HIP1: variants seen among roughly 807,000 people sequenced by gnomAD.
HIP1 encodes huntingtin-interacting protein 1.
A neutral mutation model predicts 147.6 loss-of-function variants in HIP1; 65 were observed. The observed-to-expected ratio is 0.44, with a 90% CI of 0.36 to 0.54. HIP1 has a LOEUF of 0.54. HIP1 is among the 20% of genes least tolerant of loss of function. The pLI is 0.00. For missense variants in HIP1, 1,061 were observed against 1,299.6 expected (o/e 0.82, Z 2.82); for synonymous variants, 479 against 504.0 (o/e 0.95, Z 0.67).
chr7:75,579,114 G>A (rs368234230), intron 7 of HIP1, among the ~76,000 whole-genome samples: 4 of 151,980 alleles, frequency 2.6e-5, no homozygotes, highest in East Asian at 3.9e-4. Context: ...CACTGCGCCC[G>A]GCCCCAATGC....
intron 29 of HIP1, among the ~76,000 whole-genome samples, chr7:75,541,402 C>T (rs1385554466): frequency 2.0e-5 from 3 of 151,528 alleles, no homozygotes; most frequent in East Asian, 1.9e-4. Flanking sequence ...TGGTGGTGGG[C>T]GCCTGTAGTT....
intron 1 of HIP1, among the ~76,000 whole-genome samples, chr7:75,607,064 T>C (rs1797249601): frequency 6.6e-6 from 1 of 151,074 alleles, no homozygotes; most frequent in African/African-American, 2.4e-5. Context: ...ACCCCATCTC[T>C]AAAAAAAAAT....
chr7:75,634,279 A>G (rs1175163775), intron 1 of HIP1, among the ~76,000 whole-genome samples: 4 of 151,736 alleles, frequency 2.6e-5, no homozygotes, highest in African/African-American at 9.7e-5. Context: ...AAACCAACAA[A>G]AACAGATAGA....
chr7:75,670,888 C>T (rs1799712631), intron 1 of HIP1, among the ~76,000 whole-genome samples: 1 of 151,300 alleles, frequency 6.6e-6, no homozygotes, highest in African/African-American at 2.4e-5. Flanking sequence ...TCCCAAAGTG[C>T]TGAGATTACA....
At chr7:75,603,141 G>A (rs1237871054) in intron 1 of HIP1, among the ~76,000 whole-genome samples, 1 of 151,952 alleles carries the variant, frequency 6.6e-6, no homozygotes, top group Non-Finnish European at 1.5e-5. Context: ...GAGGTCAGGA[G>A]TTCAAGACCA....
At chr7:75,638,664 T>TC (rs35058258) in intron 1 of HIP1, among the ~76,000 whole-genome samples, 73,908 of 152,022 alleles carry the variant, frequency 0.49, 18,696 homozygotes, top group African/African-American at 0.63. Context: ...CCACACATCT[T>TC]CCATCGATCT....
intron 1 of HIP1, among the ~76,000 whole-genome samples, chr7:75,663,999 TATATGTGTATATATATACAC>T (rs1563278242): frequency 4.7e-4 from 11 of 23,592 alleles, no homozygotes; most frequent in African/African-American, 4.1e-3. Context: ...TATATACACA[TATATGTGTATATATATACAC>T]ATATATGTGT....
intron 7 of HIP1, among the ~76,000 whole-genome samples, chr7:75,580,918 T>G (rs587702222): frequency 8.5e-5 from 13 of 152,252 alleles, no homozygotes; most frequent in African/African-American, 3.1e-4. Flanking sequence ...ATTTTTATAT[T>G]TTTAGTAGAG....
intron 8 of HIP1, among the ~76,000 whole-genome samples, chr7:75,570,456 T>G (rs2116876075): frequency 6.7e-6 from 1 of 150,298 alleles, no homozygotes; most frequent in East Asian, 2.1e-4. Flanking sequence ...CACGCCCGGC[T>G]AATTTTTTGT....
rs139967574 is a variant in HIP1, at chr7:75,708,318, T to G, written c.120+30483A>C. On this transcript the variant is annotated intron_variant, in intron 1 of 30. Coordinates refer to ENST00000336926, the MANE Select transcript of HIP1 (RefSeq NM_005338.7). ...TGTAGGTTGCCTTTTTTAATGTTGA[T>G]AGTGTCTATTGATGCCCCAAAAGTG... Among the ~76,000 whole-genome samples, 401 of 152,284 alleles carry G rather than the reference T, an allele frequency of 2.6e-3. 2 individuals are homozygous for G. The highest frequency in any genetic ancestry group is 4.7e-3 in the Non-Finnish European group (323 of 68,022).
Position 75,553,463 on chromosome 7 carries a change from G to A in HIP1, c.2285C>T (p.Ala762Val), listed in dbSNP as rs1794866222. The change falls in exon 22 of 31, where the codon GCC becomes GTC. Residue 762 changes from alanine (A) to valine (V), a missense_variant. Ala to Val is a moderately conservative substitution (Grantham distance 64). Transcript: ENST00000336926. Reference sequence around the variant, plus strand: ...TACTACTCCAAGTACCTCGCCGATGGCCTTGATCTTGCTCAGGCAGTTCCT... The same window carrying A: ...TACTACTCCAAGTACCTCGCCGATGACCTTGATCTTGCTCAGGCAGTTCCT... ...AMRNCLSKIK[A>V]IGEELLPRGL... is the part of the protein sequence containing the mutation. The A allele has an allele frequency of 6.2e-7, 1 of 1,614,004 alleles. No homozygotes were observed. The highest frequency in any genetic ancestry group is 1.3e-5 in the African/African-American group (1 of 75,050).
At chr7:75,627,255 C>G (rs1409631965) in intron 1 of HIP1, among the ~76,000 whole-genome samples, 1 of 152,192 alleles carries the variant, frequency 6.6e-6, no homozygotes, top group Non-Finnish European at 1.5e-5. Flanking sequence ...CTCTATAAAC[C>G]TTTTCCAAAT....
chr7:75,669,359 C>T (rs147752798), intron 1 of HIP1, among the ~76,000 whole-genome samples: 130 of 151,812 alleles, frequency 8.6e-4, no homozygotes, highest in African/African-American at 2.9e-3. Flanking sequence ...GGCGACAGAG[C>T]GAGACTCCAT....
chr7:75,709,109 C>CTTTTTT (rs55720152), intron 1 of HIP1, among the ~76,000 whole-genome samples: 1 of 131,426 alleles, frequency 7.6e-6, no homozygotes, highest in Non-Finnish European at 1.6e-5. Context: ...TTTTTCTTTT[C>CTTTTTT]TTTTTTTTTT....
chr7:75,663,984 GTATATATATACACATATA>G lies in HIP1; in HGVS notation c.121-64755_121-64738del, dbSNP rs1799411540. On this transcript the variant is annotated intron_variant, in intron 1 of 30. Coordinates refer to ENST00000336926, the MANE Select transcript of HIP1 (RefSeq NM_005338.7). The stretch of plus-strand genomic sequence containing the variant: ...TGTATATATATATACACATATATGT[GTATATATATACACATATA>G]TGTGTATATATATACACATATATGT... Among the ~76,000 whole-genome samples, 4 of 7,784 alleles carry G rather than the reference GTATATATATACACATATA, an allele frequency of 5.1e-4. 1 individual carries two copies. Among genetic ancestry groups the G allele is most frequent in the East Asian group, 0.01 (1 of 98 alleles). The allele number at this position is 7,784 out of a possible 152,430, so 5.1% of individuals were successfully genotyped here. A position where few individuals can be genotyped will look rare whatever the true frequency, so the allele number is the denominator to read the frequency against.
intron 1 of HIP1, among the ~76,000 whole-genome samples, chr7:75,673,960 C>T (rs1584940810): frequency 6.6e-6 from 1 of 151,826 alleles, no homozygotes; most frequent in East Asian, 1.9e-4. Flanking sequence ...CACTCCAGCC[C>T]AGATGACAGA....
At chr7:75,732,971 C>T (rs1209599336) in intron 1 of HIP1, among the ~76,000 whole-genome samples, 10 of 152,192 alleles carry the variant, frequency 6.6e-5, no homozygotes, top group Admixed American at 6.5e-4. Context: ...ACGAGCCCCC[C>T]AGAGCCGGTC....
At chr7:75,681,597 C>T (rs1584946812) in intron 1 of HIP1, among the ~76,000 whole-genome samples, 1 of 149,832 alleles carries the variant, frequency 6.7e-6, no homozygotes, top group Non-Finnish European at 1.5e-5. Flanking sequence ...GCCTCGACAT[C>T]CCAGGCTCAA....
rs587706106 is a variant in HIP1 at position 75,565,584 on chromosome 7, T to G, written c.804-2321A>C. 3.9e-5 allele frequency among the ~76,000 whole-genome samples: 6 copies of G among 152,220 alleles called. No individual in the cohort carries two copies. In the South Asian group the frequency reaches 1.2e-3, roughly 32 times the overall value. On this transcript the variant is annotated intron_variant, in intron 9 of 30. Coordinates refer to ENST00000336926, the MANE Select transcript of HIP1 (RefSeq NM_005338.7). ...AAGCTGAAACTTGGCATTTGGGAGT[T>G]ATGGTCAAGGGTGAGGAAATTAACA...
Sources: gnomAD v4.1 joint callset for allele counts (sites outside exome capture counted in the v4.1 genomes callset) on GRCh38, gnomAD v4.1.1 for gene constraint, MANE v1.5 for transcripts, NCBI Gene and HGNC (gene_info 2026-07-23, HGNC 2026-07-21) for gene names.